The following MCC variants were observed in gnomAD, a reference collection of about 807,000 sequenced individuals.
MCC encodes MCC regulator of Wnt signaling pathway, also known as colorectal mutant cancer protein.
A neutral mutation model predicts 116.2 loss-of-function variants in MCC; 90 were observed. The ratio of observed to expected loss-of-function variants is 0.77; its 90% CI spans 0.65 to 0.92. MCC has a LOEUF of 0.92. MCC is among the 40% of genes least tolerant of loss of function. MCC has a pLI of 0.00. For missense variants in MCC, 1,516 were observed against 1,312.2 expected, an observed-to-expected ratio of 1.16 and a Z score of -2.40; for synonymous variants, 578 against 510.5, an observed-to-expected ratio of 1.13 and a Z score of -1.78.
intron 3 of MCC, among the ~76,000 whole-genome samples, chr5:113,233,766 T>G (rs1042491210): frequency 2.0e-5 from 3 of 152,208 alleles, no homozygotes; most frequent in Admixed American, 6.5e-5. Flanking sequence ...CTAAGATATA[T>G]TTGGCTGCCC....
At chr5:113,267,787 G>T (rs1765474004) in intron 3 of MCC, among the ~76,000 whole-genome samples, 1 of 152,124 alleles carries the variant, frequency 6.6e-6, no homozygotes, top group Non-Finnish European at 1.5e-5. Flanking sequence ...CGTAGTAATG[G>T]TTGCACAGTC....
chr5:113,380,778 GA>G (rs1273756221), intron 2 of MCC, among the ~76,000 whole-genome samples: 2 of 152,206 alleles, frequency 1.3e-5, no homozygotes, highest in Non-Finnish European at 2.9e-5. Context: ...CTCTGAAGAG[GA>G]AATATTTAAG....
intron 3 of MCC, among the ~76,000 whole-genome samples, chr5:113,293,355 C>G (rs1766585163): frequency 6.6e-6 from 1 of 152,182 alleles, no homozygotes. Context: ...TTTTCTTCCT[C>G]TTTCCTCTCT....
chr5:113,434,711 G>A lies in MCC; in HGVS notation c.171-49499C>T, dbSNP rs752063912. On this transcript the variant is annotated intron_variant, in intron 1 of 18. Transcript: ENST00000408903. This position sits in a 1 kb window ranked among gnomAD's most constrained non-coding sequence, Gnocchi z 4.2. ...AGTCTGCGGGGGCCTTCTTGCGGTCGATGATCTTGATCGCCACATTGAACT... is the reference window on the plus strand; with the variant it reads ...AGTCTGCGGGGGCCTTCTTGCGGTCAATGATCTTGATCGCCACATTGAACT... 35 of 1,613,992 alleles carry A rather than the reference G, an allele frequency of 2.2e-5. No homozygotes were observed. Among genetic ancestry groups the A allele is most frequent in the Middle Eastern group, 3.3e-4 (2 of 6,084 alleles).
chr5:113,150,348 C>T (rs1420142845), intron 4 of MCC, among the ~76,000 whole-genome samples: 1 of 152,120 alleles, frequency 6.6e-6, no homozygotes. Flanking sequence ...CGTCAAATCC[C>T]ATACAAAGTT....
intron 6 of MCC, among the ~76,000 whole-genome samples, chr5:113,112,451 A>G (rs1757153750): frequency 6.6e-6 from 1 of 152,082 alleles, no homozygotes; most frequent in Non-Finnish European, 1.5e-5. Context: ...TGGCCATGTA[A>G]GATGTGCTTG....
rs1257804914 is a variant in MCC, at chr5:113,022,381, C to T, written c.*4921G>A. 2 of 152,638 alleles carry T rather than the reference C, an allele frequency of 1.3e-5. No individual in the cohort carries two copies. Among genetic ancestry groups the T allele is most frequent in the Non-Finnish European group, 2.9e-5 (2 of 68,032 alleles). 9.5% of individuals were successfully genotyped at this position (152,638 alleles called of 1,614,324 possible). Reference sequence around the variant, plus strand: ...CAATACTGACAAATGCAAACTTAGTCACATGTGCTTTAATAACTGACAATA... The same window carrying T: ...CAATACTGACAAATGCAAACTTAGTTACATGTGCTTTAATAACTGACAATA... On this transcript the variant is annotated 3_prime_UTR_variant, in exon 19 of 19. Coordinates refer to ENST00000408903, the MANE Select transcript of MCC (RefSeq NM_001085377.2).
At chr5:113,269,822 G>C (rs138813119) in intron 3 of MCC, among the ~76,000 whole-genome samples, 2 of 152,308 alleles carry the variant, frequency 1.3e-5, no homozygotes, top group East Asian at 1.9e-4. Context: ...CCCACTGACA[G>C]ACTGCTTTTA....
chr5:113,401,136 A>G (rs1769673633), intron 1 of MCC, among the ~76,000 whole-genome samples: 1 of 152,224 alleles, frequency 6.6e-6, no homozygotes, highest in Admixed American at 6.5e-5. Flanking sequence ...TACTTCCAGA[A>G]TAGTTATTCC....
At chr5:113,281,130 G>A (rs1002503628) in intron 3 of MCC, among the ~76,000 whole-genome samples, 1 of 152,192 alleles carries the variant, frequency 6.6e-6, no homozygotes, top group African/African-American at 2.4e-5. Flanking sequence ...AATAAAAAAG[G>A]TAGCTATAAA....
chr5:113,261,211 G>T (rs1415671820), intron 3 of MCC, among the ~76,000 whole-genome samples: 1 of 152,014 alleles, frequency 6.6e-6, no homozygotes, highest in African/African-American at 2.4e-5. Flanking sequence ...GCCTACAGTT[G>T]GGCAACATCA....
chr5:113,418,430 T>C (rs1486947743), intron 1 of MCC, among the ~76,000 whole-genome samples: 1 of 152,156 alleles, frequency 6.6e-6, no homozygotes, highest in Non-Finnish European at 1.5e-5. Context: ...AATATACATA[T>C]GTTTAAATAG....
At chr5:113,275,767 G>A (rs761492556) in intron 3 of MCC, among the ~76,000 whole-genome samples, 5 of 152,046 alleles carry the variant, frequency 3.3e-5, no homozygotes, top group African/African-American at 9.7e-5. Context: ...AGGAGGATGC[G>A]CATAGCTTAT....
chr5:113,367,636 G>GCT (rs1411437552), intron 2 of MCC, among the ~76,000 whole-genome samples: 1 of 110,782 alleles, frequency 9.0e-6, no homozygotes, highest in African/African-American at 3.3e-5. Context: ...GGGTGGGGGG[G>GCT]GGGAAGAGAG....
chr5:113,375,532 CT>C (rs1768960545), intron 2 of MCC, among the ~76,000 whole-genome samples: 1 of 152,156 alleles, frequency 6.6e-6, no homozygotes, highest in Admixed American at 6.6e-5. Flanking sequence ...CTCAGCTGGG[CT>C]GGGCTTAGCT....
intron 3 of MCC, among the ~76,000 whole-genome samples, chr5:113,332,444 T>C (rs1767721535): frequency 6.6e-6 from 1 of 151,250 alleles, no homozygotes; most frequent in African/African-American, 2.5e-5. Context: ...GGACAGTGAC[T>C]TACGCCTATA....
In MCC at chr5:113,046,710, A is replaced by AAAAAAAAAAAAAAAAAAAAAGAG; in HGVS notation, c.2655+2382_2655+2383insCTCTTTTTTTTTTTTTTTTTTTT. On this transcript the variant is annotated intron_variant, in intron 16 of 18. Coordinates refer to ENST00000408903, the MANE Select transcript of MCC (RefSeq NM_001085377.2). ...CAAAAAAAAAAAAAAAAAAAAAAAA[A>AAAAAAAAAAAAAAAAAAAAAGAG]AGAGAGAGATTTTGAAGGTGTTTGT... Among the ~76,000 whole-genome samples the AAAAAAAAAAAAAAAAAAAAAGAG allele has an allele frequency of 1.2e-4, 12 of 102,462 alleles. 1 individual carries two copies. The highest frequency in any genetic ancestry group is 2.8e-4 in the African/African-American group (7 of 25,086). The allele number at this position is 102,462 out of a possible 152,430, so 67.2% of individuals were successfully genotyped here.
intron 1 of MCC, among the ~76,000 whole-genome samples, chr5:113,484,945 A>G (rs1331944102): frequency 6.6e-6 from 1 of 152,132 alleles, no homozygotes; most frequent in Non-Finnish European, 1.5e-5. Flanking sequence ...CGGTGGTCTC[A>G]CTCTGCTGCC....
rs76235675 is a variant in MCC, at chr5:113,231,246, T to G, written c.628-79824A>C. On this transcript the variant is annotated intron_variant, in intron 3 of 18. Coordinates refer to ENST00000408903, the MANE Select transcript of MCC (RefSeq NM_001085377.2). ...CTCACTCCCTGCGAGTCTCTCCCTT[T>G]TACCATAAGAAGAGAGTTTCCCAGT... Among the ~76,000 whole-genome samples, 9 of 152,258 alleles carry G rather than the reference T, an allele frequency of 5.9e-5. No individual in the cohort carries two copies. In the East Asian group the frequency reaches 1.3e-3, roughly 23 times the overall value.
Sources: allele counts gnomAD v4.1 joint callset (sites outside exome capture counted in the v4.1 genomes callset), GRCh38; gene constraint gnomAD v4.1.1; non-coding constraint Gnocchi (gnomAD v3.1); transcripts MANE v1.5; gene names NCBI Gene and HGNC (gene_info 2026-07-23, HGNC 2026-07-21).